The following ZNF804A variants were observed in gnomAD, a reference collection of about 807,000 sequenced individuals.
ZNF804A encodes zinc finger protein 804A.
ZNF804A carries 2 observed loss-of-function variants against 16.5 expected under a neutral mutation model. The observed-to-expected ratio is 0.12, with a 90% CI of 0.05 to 0.38. The LOEUF (loss-of-function observed/expected upper bound fraction) is 0.38, where lower values mean the gene tolerates loss of function less well. ZNF804A is among the 10% of genes least tolerant of loss of function. The pLI is 0.99. For synonymous variants in ZNF804A, 534 were observed against 489.6 expected (o/e 1.09, Z -1.20); for missense variants, 1,473 against 1,390.7 (o/e 1.06, Z -0.94).
At chr2:184,653,487 G>T (rs999944092) in intron 1 of ZNF804A, among the ~76,000 whole-genome samples, 16 of 152,190 alleles carry the variant, frequency 1.1e-4, no homozygotes, top group Admixed American at 3.3e-4. Flanking sequence ...TTCAGAGCAG[G>T]TTGGAAGTTC....
chr2:184,904,504 G>A (rs1489174397), intron 2 of ZNF804A, among the ~76,000 whole-genome samples: 1 of 152,008 alleles, frequency 6.6e-6, no homozygotes, highest in Non-Finnish European at 1.5e-5. Flanking sequence ...AGTTTCACAG[G>A]CACAATTACC....
At chr2:184,892,706 C>G (rs1685007038) in intron 2 of ZNF804A, among the ~76,000 whole-genome samples, 1 of 152,072 alleles carries the variant, frequency 6.6e-6, no homozygotes, top group Non-Finnish European at 1.5e-5. Context: ...TGGTCTGGAA[C>G]TCCTGATCTC....
chr2:184,624,651 A>G (rs1239089339), intron 1 of ZNF804A, among the ~76,000 whole-genome samples: 1 of 152,164 alleles, frequency 6.6e-6, no homozygotes, highest in Non-Finnish European at 1.5e-5. Flanking sequence ...TCTAAATTCT[A>G]CACTACTATA....
At chr2:184,792,306 G>C (rs1014347970) in intron 1 of ZNF804A, among the ~76,000 whole-genome samples, 1 of 152,104 alleles carries the variant, frequency 6.6e-6, no homozygotes, top group African/African-American at 2.4e-5. Context: ...AGTTCCTGAT[G>C]CCCAACATCG....
intron 1 of ZNF804A, among the ~76,000 whole-genome samples, chr2:184,603,773 T>C (rs941503318): frequency 3.3e-5 from 5 of 152,338 alleles, no homozygotes; most frequent in Non-Finnish European, 7.4e-5. Context: ...TCCAATTATA[T>C]ATTCTTCCAA....
At position 184,598,945 on chromosome 2, in the gene ZNF804A, G is replaced by T; in HGVS notation, c.-15G>T. The T allele has an allele frequency of 6.6e-7, 1 of 1,525,874 alleles. No individual in the cohort carries two copies. Among genetic ancestry groups the T allele is most frequent in the Non-Finnish European group, 8.9e-7 (1 of 1,128,548 alleles). The allele number at this position is 1,525,874 out of a possible 1,614,324, so 94.5% of individuals were successfully genotyped here. A position where few individuals can be genotyped will look rare whatever the true frequency, so the allele number is the denominator to read the frequency against. On this transcript the variant is annotated 5_prime_UTR_variant, in exon 1 of 4. It adds an upstream start codon to the 5' untranslated region. Coordinates refer to ENST00000302277, the MANE Select transcript of ZNF804A (RefSeq NM_194250.2). ...TGGAAGCGGCGGCTGCGGCGGAGGA[G>T]GCGGCGGCTGCCCCATGGAGTGTTA...
At chr2:184,829,917 A>C (rs1313073618) in intron 1 of ZNF804A, among the ~76,000 whole-genome samples, 78 of 106,380 alleles carry the variant, frequency 7.3e-4, no homozygotes, top group East Asian at 4.3e-3. Flanking sequence ...AAAAAAAAAA[A>C]AAAAACAAAA....
At chr2:184,883,990 C>T (rs986793987) in intron 2 of ZNF804A, among the ~76,000 whole-genome samples, 57 of 152,048 alleles carry the variant, frequency 3.7e-4, no homozygotes, top group African/African-American at 1.4e-3. Flanking sequence ...CAAAAGGCAT[C>T]TGGATAGCAA....
intron 1 of ZNF804A, among the ~76,000 whole-genome samples, chr2:184,792,541 T>C (rs1694566438): frequency 6.6e-6 from 1 of 152,190 alleles, no homozygotes; most frequent in Admixed American, 6.5e-5. Context: ...AAAAGTTCTT[T>C]GTATATCTTG....
intron 1 of ZNF804A, among the ~76,000 whole-genome samples, chr2:184,752,592 T>C (rs969805061): frequency 4.6e-5 from 7 of 151,558 alleles, no homozygotes; most frequent in Non-Finnish European, 8.9e-5. Flanking sequence ...AATATACCCA[T>C]GTAATAAACA....
intron 1 of ZNF804A, among the ~76,000 whole-genome samples, chr2:184,814,023 G>GTTT (rs1231774388): frequency 9.2e-6 from 1 of 109,280 alleles, no homozygotes; most frequent in Non-Finnish European, 1.8e-5. Context: ...TTTTTTTTTG[G>GTTT]CTTGTCTACT....
intron 1 of ZNF804A, among the ~76,000 whole-genome samples, chr2:184,700,971 T>C (rs1692910225): frequency 6.6e-6 from 1 of 151,938 alleles, no homozygotes; most frequent in East Asian, 1.9e-4. Context: ...AGGGAGAACA[T>C]TCAGAATCCT....
chr2:184,792,692 T>A (rs1261739644), intron 1 of ZNF804A, among the ~76,000 whole-genome samples: 1 of 152,132 alleles, frequency 6.6e-6, no homozygotes, highest in African/African-American at 2.4e-5. Context: ...TCATCAATAA[T>A]TTTTTTACTG....
Position 184,840,114 on chromosome 2 carries a change from C to G in ZNF804A, c.112-26255C>G, listed in dbSNP as rs952213243. On this transcript the variant is annotated intron_variant, in intron 1 of 3. Transcript: ENST00000302277. ...TAGCTTCACCTAGGCTCATGGCCAT[C>G]GTGGTGGTTCACACCTGTAATCCCA... 2.6e-5 allele frequency among the ~76,000 whole-genome samples: 4 copies of G among 152,258 alleles called. No individual in the cohort carries two copies. In the East Asian group the frequency reaches 5.8e-4, roughly 22 times the overall value.
chr2:184,865,961 AC>A (rs1021207000), intron 1 of ZNF804A, among the ~76,000 whole-genome samples: 2 of 152,172 alleles, frequency 1.3e-5, no homozygotes. Flanking sequence ...ACAAATATAG[AC>A]CTTTTCAAAC....
At chr2:184,767,310 A>G (rs1394986208) in intron 1 of ZNF804A, among the ~76,000 whole-genome samples, 2 of 152,290 alleles carry the variant, frequency 1.3e-5, no homozygotes, top group East Asian at 3.9e-4. Flanking sequence ...AAATGGATCA[A>G]CCTTGAGGAA....
chr2:184,897,541 T>G (rs771831388), intron 2 of ZNF804A, among the ~76,000 whole-genome samples: 14 of 152,052 alleles, frequency 9.2e-5, no homozygotes, highest in Non-Finnish European at 2.1e-4. Flanking sequence ...ACTTAATAAG[T>G]AAAGTATTAT....
intron 1 of ZNF804A, among the ~76,000 whole-genome samples, chr2:184,811,067 A>G (rs1305741038): frequency 2.0e-5 from 3 of 152,210 alleles, no homozygotes; most frequent in Admixed American, 1.3e-4. Context: ...TCTAAATGAC[A>G]GGCACTGAGG....
At chr2:184,844,469 A>T (rs946014322) in intron 1 of ZNF804A, among the ~76,000 whole-genome samples, 2 of 152,022 alleles carry the variant, frequency 1.3e-5, no homozygotes, top group Non-Finnish European at 2.9e-5. Context: ...ACTTTTGAGA[A>T]ATAATTTCAC....
Sources: gnomAD v4.1 joint callset for allele counts (sites outside exome capture counted in the v4.1 genomes callset) on GRCh38, gnomAD v4.1.1 for gene constraint, MANE v1.5 for transcripts, NCBI Gene and HGNC (gene_info 2026-07-23, HGNC 2026-07-21) for gene names.